The following GOLM1 variants were observed in gnomAD, a reference collection of about 807,000 sequenced individuals.
The protein encoded by GOLM1 is epididymis luminal protein 46.
GOLM1 carries 31 observed loss-of-function variants against 50.5 expected under a neutral mutation model. That is an observed-to-expected ratio of 0.61 (90% confidence interval 0.46 to 0.83). The LOEUF is 0.83. GOLM1 is among the 40% of genes least tolerant of loss of function. The pLI is 0.00. For missense variants in GOLM1, 491 were observed against 501.3 expected (o/e 0.98, Z 0.20); for synonymous variants, 178 against 192.8 (o/e 0.92, Z 0.64).
At chr9:86,081,730 A>C (rs1022981098) in intron 1 of GOLM1, among the ~76,000 whole-genome samples, 1 of 151,610 alleles carries the variant, frequency 6.6e-6, no homozygotes, top group African/African-American at 2.4e-5. Flanking sequence ...TCTCTACTAA[A>C]AATACAAAAG....
At chr9:86,081,091 T>C (rs1030060011) in intron 1 of GOLM1, among the ~76,000 whole-genome samples, 2 of 151,956 alleles carry the variant, frequency 1.3e-5, no homozygotes, top group African/African-American at 4.8e-5. Context: ...GGTCTCACTA[T>C]TGCCTAGGTT....
At chr9:86,036,567 A>C (rs568037078) in intron 6 of GOLM1, 60 bp from the exon 7 acceptor site, 5 of 1,564,696 alleles carry the variant, frequency 3.2e-6, no homozygotes. Context: ...AAGCCGTAAA[A>C]GAATCCTACC....
At chr9:86,051,831 A>C (rs989765125) in intron 4 of GOLM1, among the ~76,000 whole-genome samples, 1 of 152,202 alleles carries the variant, frequency 6.6e-6, no homozygotes, top group African/African-American at 2.4e-5. Context: ...CCCTTTTCAC[A>C]TAAGACTTTT....
chr9:86,097,379 A>C (rs1835382780), intron 1 of GOLM1, among the ~76,000 whole-genome samples: 1 of 152,266 alleles, frequency 6.6e-6, no homozygotes, highest in Admixed American at 6.5e-5. Flanking sequence ...GTGCTTTTAA[A>C]AAATCCCAAT....
Position 86,079,258 on chromosome 9 carries a change from C to G in GOLM1, c.63G>C (p.Leu21=), listed in dbSNP as rs1284201992. The change falls in exon 2 of 10, where the codon CTG becomes CTC. Residue 21 remains leucine (L), a synonymous_variant. Transcript: ENST00000388712. ...MKSPPLVLAA[L]VACIIVLGFN... ...AGCCCAAGACGATGATGCAGGCCAC[C>G]AGGGCGGCCAGCACGAGGGGCGGCG... 2 of 1,610,832 alleles carry G rather than the reference C, an allele frequency of 1.2e-6. No homozygotes were observed. The highest frequency in any genetic ancestry group is 4.5e-5 in the East Asian group (2 of 44,798).
At chr9:86,078,048 A>C (rs572454240) in intron 2 of GOLM1, 1 of 160,958 alleles carries the variant, frequency 6.2e-6, no homozygotes, top group South Asian at 1.8e-4. Context: ...AAGCTGAGAC[A>C]CAGGGAGTAC....
intron 1 of GOLM1, among the ~76,000 whole-genome samples, chr9:86,090,904 T>A (rs1200320030): frequency 6.6e-6 from 1 of 151,490 alleles, no homozygotes; most frequent in Non-Finnish European, 1.5e-5. Context: ...CCTGAGGGTA[T>A]CTCCTGGTCT....
chr9:86,027,357 A>G lies in GOLM1; in HGVS notation c.*460T>C. ...GTGACTACACAAGAGCATTAGCCAG[A>G]CTTTTCAGTGAGAACAGGTAACAGG... On this transcript the variant is annotated 3_prime_UTR_variant, in exon 10 of 10. Coordinates refer to ENST00000388712, the MANE Select transcript of GOLM1 (RefSeq NM_016548.4). The G allele has an allele frequency of 1.0e-6, 1 of 988,784 alleles. No homozygotes were observed. The highest frequency in any genetic ancestry group is 1.2e-6 in the Non-Finnish European group (1 of 832,320). The allele number at this position is 988,784 out of a possible 1,614,324, so 61.3% of individuals were successfully genotyped here. A position where few individuals can be genotyped will look rare whatever the true frequency, so the allele number is the denominator to read the frequency against.
At chr9:86,086,106 C>T (rs1275853899) in intron 1 of GOLM1, among the ~76,000 whole-genome samples, 5 of 152,158 alleles carry the variant, frequency 3.3e-5, no homozygotes, top group Admixed American at 6.5e-5. Flanking sequence ...TAAAAGCGTT[C>T]CTATTTCTCC....
At chr9:86,050,284 A>G (rs934246627) in intron 4 of GOLM1, among the ~76,000 whole-genome samples, 3 of 151,830 alleles carry the variant, frequency 2.0e-5, no homozygotes. Context: ...TTTATTGAGG[A>G]TTTTTGCATC....
chr9:86,054,981 T>C (rs578080248), intron 3 of GOLM1, among the ~76,000 whole-genome samples: 1 of 152,340 alleles, frequency 6.6e-6, no homozygotes, highest in East Asian at 1.9e-4. Context: ...TCCTGCTTAG[T>C]GGTGGACGAT....
chr9:86,062,040 C>A (rs1337265023), intron 3 of GOLM1, among the ~76,000 whole-genome samples: 2 of 152,088 alleles, frequency 1.3e-5, no homozygotes, highest in Non-Finnish European at 2.9e-5. Flanking sequence ...AAAACACCAT[C>A]TATCCAGGAA....
intron 4 of GOLM1, among the ~76,000 whole-genome samples, chr9:86,047,092 C>G (rs1833571816): frequency 7.1e-6 from 1 of 141,486 alleles, no homozygotes; most frequent in South Asian, 2.5e-4. Flanking sequence ...AGCCAAGCCA[C>G]TCTCCAAGGC....
At chr9:86,053,569 A>AACCAC (rs1833864189) in intron 3 of GOLM1, among the ~76,000 whole-genome samples, 4 of 370 alleles carry the variant, frequency 0.011, no homozygotes, top group Non-Finnish European at 0.018. Context: ...ACACACACAC[A>AACCAC]TCACACACAC....
At chr9:86,035,925 A>T (rs1833127629) in intron 7 of GOLM1, among the ~76,000 whole-genome samples, 1 of 150,794 alleles carries the variant, frequency 6.6e-6, no homozygotes, top group Non-Finnish European at 1.5e-5. Context: ...TTGACAAGGT[A>T]CAAAGGGAAA....
chr9:86,040,851 T>G lies in GOLM1; in HGVS notation c.485A>C (p.Gln162Pro). ...FSYDLSQCINQMKEVKEQCEE... is the reference protein window; with the variant it reads ...FSYDLSQCINPMKEVKEQCEE... ...ACACTGTTCCTTCACCTCCTTCATC[T>G]GATTGATGCACTGGCTCCTTTGGTG... Residue 162 changes from glutamine to proline, a missense_variant, in exon 6 of 10, where the codon CAG (glutamine) becomes CCG (proline). Physicochemically the swap from Gln to Pro is moderately conservative, Grantham distance 76. Coordinates refer to ENST00000388712, the MANE Select transcript of GOLM1 (RefSeq NM_016548.4). 1.9e-6 allele frequency: 3 copies of G among 1,613,828 alleles called. No homozygotes were observed. The highest frequency in any genetic ancestry group is 1.1e-5 in the South Asian group (1 of 91,036).
chr9:86,084,985 CAGTG>C (rs1834908470), intron 1 of GOLM1: 1 of 152,296 alleles, frequency 6.6e-6, no homozygotes, highest in Non-Finnish European at 1.5e-5. Context: ...GCAGAGGTTG[CAGTG>C]AGTCGAGATC....
chr9:86,075,826 C>T (rs1416681047), intron 3 of GOLM1, among the ~76,000 whole-genome samples: 1 of 151,798 alleles, frequency 6.6e-6, no homozygotes, highest in Non-Finnish European at 1.5e-5. Context: ...TTCAGGAGCA[C>T]AAAAAGCATA....
chr9:86,047,464 C>T lies in GOLM1; in HGVS notation c.365-892G>A, dbSNP rs550277655. Among the ~76,000 whole-genome samples, 16 of 152,242 alleles carry T rather than the reference C, an allele frequency of 1.1e-4. No individual in the cohort carries two copies. The South Asian group carries it at 2.9e-3, about 28-fold the overall frequency. On this transcript the variant is annotated intron_variant, in intron 4 of 9. Coordinates refer to ENST00000388712, the MANE Select transcript of GOLM1 (RefSeq NM_016548.4). ...CACGGACTCATCCCAAAAGCACACA[C>T]GTGACACCCTCAAGAGACAAAGCTG...
Sources: gnomAD v4.1 joint callset for allele counts (sites outside exome capture counted in the v4.1 genomes callset) on GRCh38, gnomAD v4.1.1 for gene constraint, MANE v1.5 for transcripts, NCBI Gene and HGNC (gene_info 2026-07-23, HGNC 2026-07-21) for gene names.